Variants in TENM2 observed in about 807,000 individuals in gnomAD.
TENM2 encodes teneurin-2.
TENM2 carries 52 observed loss-of-function variants against 245.2 expected under a neutral mutation model. The observed-to-expected ratio is 0.21, with a 90% CI of 0.17 to 0.27. TENM2 has a LOEUF of 0.27. TENM2 is among the 10% of genes least tolerant of loss of function. The pLI is 1.00. For missense variants in TENM2, 3,046 were observed against 3,666.8 expected (o/e 0.83, Z 4.37); for synonymous variants, 1,363 against 1,438.9 (o/e 0.95, Z 1.19).
intron 3 of TENM2, among the ~76,000 whole-genome samples, chr5:167,907,524 AATATATATATATATATATATATATATAT>A (rs56159044): frequency 0.068 from 5,313 of 78,318 alleles, 512 homozygotes; most frequent in African/African-American, 0.18. Flanking sequence ...GATCACCCTA[AATATATATATATATATATATATATATAT>A]ATATATATAT....
intron 3 of TENM2, among the ~76,000 whole-genome samples, chr5:167,885,443 A>C (rs1774205453): frequency 6.6e-6 from 1 of 152,140 alleles, no homozygotes; most frequent in African/African-American, 2.4e-5. Flanking sequence ...AATAACATCT[A>C]GGCTTAGGTG....
chr5:167,084,327 T>TTATATATATATATATATATA, the TENM2 span, among the ~76,000 whole-genome samples: 106 of 23,156 alleles, frequency 4.6e-3, 24 homozygotes, highest in Non-Finnish European at 7.5e-3. Flanking sequence ...GCCATTTTAG[T>TTATATATATATATATATATA]TATATATATA....
chr5:167,255,434 A>G, the TENM2 span, among the ~76,000 whole-genome samples: 1 of 152,184 alleles, frequency 6.6e-6, no homozygotes, highest in Non-Finnish European at 1.5e-5. Context: ...TCTTTAAGGC[A>G]TGCTCCCCAT....
intron 3 of TENM2, among the ~76,000 whole-genome samples, chr5:167,936,806 AC>A (rs1778755651): frequency 6.6e-6 from 1 of 152,060 alleles, no homozygotes; most frequent in East Asian, 1.9e-4. Context: ...TTACTTACAC[AC>A]CCCAGCCCTG....
At chr5:168,019,471 G>A in intron 5 of TENM2, among the ~76,000 whole-genome samples, 1 of 152,162 alleles carries the variant, frequency 6.6e-6, no homozygotes. Flanking sequence ...GAGACATGAG[G>A]GAGACATCAT....
At chr5:167,842,353 C>T (rs1707957324) in intron 2 of TENM2, among the ~76,000 whole-genome samples, 2 of 152,078 alleles carry the variant, frequency 1.3e-5, no homozygotes, top group Admixed American at 1.3e-4. Context: ...CTTTGGGAGG[C>T]TGAGGCGGTT....
chr5:167,345,892 C>CAA lies in TENM2; in HGVS notation c.227-29290_227-29289dup, dbSNP rs57279945. On this transcript the variant is annotated intron_variant, in intron 1 of 28. Transcript: ENST00000518659. Reference sequence around the variant, plus strand: ...TTAATTCAACAGAGTAACATACAGCCAAAAAAAAAAAAAAAAACAAGTAAT... The same window carrying CAA: ...TTAATTCAACAGAGTAACATACAGCCAAAAAAAAAAAAAAAAAAACAAGTAAT... Among the ~76,000 whole-genome samples, 198 of 67,944 alleles carry CAA rather than the reference C, an allele frequency of 2.9e-3. 1 individual carries two copies. The highest frequency in any genetic ancestry group is 8.6e-3 in the African/African-American group (152 of 17,730). 44.6% of individuals were successfully genotyped at this position (67,944 alleles called of 152,430 possible). A position where few individuals can be genotyped will look rare whatever the true frequency, so the allele number is the denominator to read the frequency against.
At position 167,643,016 on chromosome 5, in the gene TENM2, C is replaced by G. The variant is rs77141285; in HGVS notation, c.503-232970C>G. ...AAGGGGATGTGACTTTGTAATGACACCACAGCAGAAAGCTTCTCTCAAACA... is the reference window on the plus strand; with the variant it reads ...AAGGGGATGTGACTTTGTAATGACAGCACAGCAGAAAGCTTCTCTCAAACA... On this transcript the variant is annotated intron_variant, in intron 2 of 28. Coordinates refer to ENST00000518659, the Ensembl canonical transcript of TENM2. Among the ~76,000 whole-genome samples, 601 of 152,268 alleles carry G rather than the reference C, an allele frequency of 3.9e-3. 11 individuals are homozygous for G. In the East Asian group the frequency reaches 0.075, roughly 19 times the overall value.
chr5:167,172,778 T>A, the TENM2 span, among the ~76,000 whole-genome samples: 1 of 145,472 alleles, frequency 6.9e-6, no homozygotes, highest in African/African-American at 2.8e-5. Context: ...GCTTAGCTAT[T>A]TATTTATTTA....
intron 2 of TENM2, among the ~76,000 whole-genome samples, chr5:167,630,571 G>T (rs753352480): frequency 6.6e-6 from 1 of 152,158 alleles, no homozygotes; most frequent in Non-Finnish European, 1.5e-5. Context: ...AATAAGGGGG[G>T]AGTTATATAC....
chr5:167,952,711 G>A (rs777331927), exon 4 of TENM2: 2 of 1,609,572 alleles, frequency 1.2e-6, no homozygotes, highest in Non-Finnish European at 1.7e-6. Context: ...ACCAATCGGC[G>A]GAGTCAGATC....
intron 2 of TENM2, among the ~76,000 whole-genome samples, chr5:167,807,564 C>T (rs1224779534): frequency 6.6e-6 from 1 of 151,638 alleles, no homozygotes; most frequent in African/African-American, 2.4e-5. Flanking sequence ...ATTTGATGTG[C>T]TATCATTAGC....
At chr5:168,024,768 C>T (rs1581092202) in intron 5 of TENM2, among the ~76,000 whole-genome samples, 2 of 152,208 alleles carry the variant, frequency 1.3e-5, no homozygotes, top group Admixed American at 6.5e-5. Context: ...CCAGGGCCCA[C>T]TCGCCAGGCT....
intron 2 of TENM2, among the ~76,000 whole-genome samples, chr5:167,860,331 C>T (rs1771652660): frequency 9.3e-6 from 1 of 107,976 alleles, no homozygotes; most frequent in South Asian, 3.5e-4. Flanking sequence ...TGAGGAGCCC[C>T]TCTGCCCGGC....
At chr5:168,211,948 C>T (rs906880213) in intron 20 of TENM2, among the ~76,000 whole-genome samples, 194 bp downstream of exon 22, 1 of 152,000 alleles carries the variant, frequency 6.6e-6, no homozygotes, top group African/African-American at 2.4e-5. Flanking sequence ...AAAAAGCAAC[C>T]AAATAAGCTG....
intron 27 of TENM2, 58 bp downstream of exon 29, chr5:168,248,429 G>A (rs1581762061): frequency 6.6e-7 from 1 of 1,522,966 alleles, no homozygotes; most frequent in Non-Finnish European, 8.8e-7. Context: ...TTGTTGCTGT[G>A]GGGAACTTGG....
At position 167,575,722 on chromosome 5, in the gene TENM2, G is replaced by A. The variant is rs150580905; in HGVS notation, c.502+200249G>A. Among the ~76,000 whole-genome samples, 3 of 152,252 alleles carry A rather than the reference G, an allele frequency of 2.0e-5. No individual in the cohort carries two copies. In the East Asian group the frequency reaches 5.8e-4, roughly 29 times the overall value. On this transcript the variant is annotated intron_variant, in intron 2 of 28. Coordinates refer to ENST00000518659, the Ensembl canonical transcript of TENM2. Reference sequence around the variant, plus strand: ...TTTTTCCTCATGGTTGAAAGAATAGGGAAAGATGCAGACAAGAGAAAAAGA... The same window carrying A: ...TTTTTCCTCATGGTTGAAAGAATAGAGAAAGATGCAGACAAGAGAAAAAGA...
At chr5:167,952,954 C>T in intron 4 of TENM2, 132 bp downstream of exon 6, 1 of 717,514 alleles carries the variant, frequency 1.4e-6, no homozygotes, top group South Asian at 1.7e-5. Flanking sequence ...ACAAGTTTAC[C>T]ACCTCCTTGT....
chr5:167,566,185 T>C (rs548922371), intron 2 of TENM2, among the ~76,000 whole-genome samples: 4 of 148,250 alleles, frequency 2.7e-5, no homozygotes, highest in Admixed American at 2.0e-4. Flanking sequence ...AGAGTTCTCT[T>C]TTTTTTTTTA....
Sources: gnomAD v4.1 joint callset for allele counts (sites outside exome capture counted in the v4.1 genomes callset) on GRCh38, gnomAD v4.1.1 for gene constraint, MANE v1.5 for transcripts, NCBI Gene and HGNC (gene_info 2026-07-23, HGNC 2026-07-21) for gene names.